GRM7: variants seen among roughly 807,000 people sequenced by gnomAD.
GRM7 encodes the protein metabotropic glutamate receptor 7.
Under a neutral mutation model 84.5 loss-of-function variants are expected in GRM7, and 35 were observed. That is an observed-to-expected ratio of 0.41 (90% confidence interval 0.32 to 0.55). The LOEUF is 0.55. Ranked by LOEUF, GRM7 falls within the 20% of genes least tolerant of loss-of-function variation. GRM7 has a pLI of 0.19. For synonymous variants in GRM7, 487 were observed against 455.1 expected (o/e 1.07, Z -0.89); for missense variants, 1,003 against 1,194.6 (o/e 0.84, Z 2.36).
chr3:7,261,172 C>A (rs1698407620), intron 2 of GRM7, among the ~76,000 whole-genome samples: 1 of 152,096 alleles, frequency 6.6e-6, no homozygotes, highest in Non-Finnish European at 1.5e-5. Context: ...CCAGTACCTG[C>A]AGGTCACAGG....
chr3:6,894,722 C>T lies in GRM7; in HGVS notation c.519+32815C>T, dbSNP rs143782591. Among the ~76,000 whole-genome samples the T allele has an allele frequency of 7.1e-4, 108 of 152,194 alleles. No individual in the cohort carries two copies. In the East Asian group the frequency reaches 0.02, roughly 28 times the overall value. On this transcript the variant is annotated intron_variant, in intron 1 of 9. Transcript: ENST00000357716. ...TGGGTAGGCTTCCAGCAGCTTTACT[C>T]GATTCTGACTTTAGGATAAAATCAA...
At chr3:7,664,889 G>A (rs1332318779) in intron 8 of GRM7, among the ~76,000 whole-genome samples, 3 of 151,202 alleles carry the variant, frequency 2.0e-5, no homozygotes, top group African/African-American at 4.9e-5. Context: ...TCTCAAATTA[G>A]TAAATTTCAT....
intron 7 of GRM7, among the ~76,000 whole-genome samples, chr3:7,483,178 A>C (rs1699198619): frequency 6.6e-6 from 1 of 152,214 alleles, no homozygotes; most frequent in Non-Finnish European, 1.5e-5. Context: ...AACCTTGGAC[A>C]TGAGGTTTCT....
rs564116315 is a variant in GRM7 at position 7,302,786 on chromosome 3, C to CT, written c.879-3703dup. Among the ~76,000 whole-genome samples, 174 of 150,022 alleles carry CT rather than the reference C, an allele frequency of 1.2e-3. 2 individuals carry two copies. The highest frequency in any genetic ancestry group is 1.6e-3 in the Non-Finnish European group (109 of 67,464). ...AGAATTCATCCTTTGGATGTATTGT[C>CT]TTTTTTTTTAAACCAGTTTCCCATT... On this transcript the variant is annotated intron_variant, in intron 3 of 9. Coordinates refer to ENST00000357716, the MANE Select transcript of GRM7 (RefSeq NM_000844.4).
Position 7,741,399 on chromosome 3 carries a change from G to A in GRM7, c.*993G>A, listed in dbSNP as rs528679755. 27 of 152,552 alleles carry A rather than the reference G, an allele frequency of 1.8e-4. No individual in the cohort carries two copies. The highest frequency in any genetic ancestry group is 3.9e-4 in the Admixed American group (6 of 15,270). 9.4% of individuals were successfully genotyped at this position (152,552 alleles called of 1,614,324 possible). On this transcript the variant is annotated 3_prime_UTR_variant, in exon 10 of 10. Transcript: ENST00000357716. Reference sequence around the variant, plus strand: ...TTTACTGTTTGTAATAAGTACTTTCGTTAATCTTGCTGCTTATGTGCCAAT... The same window carrying A: ...TTTACTGTTTGTAATAAGTACTTTCATTAATCTTGCTGCTTATGTGCCAAT...
chr3:7,466,554 T>C (rs1006450586), intron 7 of GRM7, among the ~76,000 whole-genome samples: 18 of 152,228 alleles, frequency 1.2e-4, no homozygotes, highest in Non-Finnish European at 1.8e-4. Context: ...GGTTACTTTG[T>C]CATCTTTTAT....
At chr3:7,496,713 T>C (rs1231813557) in intron 7 of GRM7, among the ~76,000 whole-genome samples, 1 of 151,720 alleles carries the variant, frequency 6.6e-6, no homozygotes, top group Non-Finnish European at 1.5e-5. Context: ...CCAAGAAAAA[T>C]ACACTGAAAT....
chr3:6,926,698 T>G (rs1432218916), intron 1 of GRM7, among the ~76,000 whole-genome samples: 2 of 152,200 alleles, frequency 1.3e-5, no homozygotes, highest in Admixed American at 6.6e-5. Flanking sequence ...AAAAAGCCGA[T>G]GCAACCACCC....
intron 5 of GRM7, among the ~76,000 whole-genome samples, chr3:7,421,152 T>A (rs1214884538): frequency 1.3e-5 from 2 of 152,220 alleles, no homozygotes; most frequent in African/African-American, 4.8e-5. Context: ...TGAAAGTTTA[T>A]CTTCTTGTAT....
At position 6,890,216 on chromosome 3, in the gene GRM7, T is replaced by G. The variant is rs1214301519; in HGVS notation, c.519+28309T>G. On this transcript the variant is annotated intron_variant, in intron 1 of 9. Coordinates refer to ENST00000357716, the MANE Select transcript of GRM7 (RefSeq NM_000844.4). Reference sequence around the variant, plus strand: ...TTCATTAATTTTTTGAAGGGTTTTTTGTGTCTCTATTTCCTTCAGTTCTGC... The same window carrying G: ...TTCATTAATTTTTTGAAGGGTTTTTGGTGTCTCTATTTCCTTCAGTTCTGC... Among the ~76,000 whole-genome samples the G allele has an allele frequency of 2.6e-5, 4 of 152,340 alleles. No homozygotes were observed. The East Asian group carries it at 7.7e-4, about 29-fold the overall frequency.
intron 7 of GRM7, among the ~76,000 whole-genome samples, chr3:7,524,326 T>C (rs1263528860): frequency 3.4e-5 from 5 of 146,874 alleles, no homozygotes; most frequent in East Asian, 4.0e-4. Context: ...AGTGAACAGG[T>C]AACCTACAAA....
chr3:6,877,438 T>G (rs192871585), intron 1 of GRM7, among the ~76,000 whole-genome samples: 2 of 152,344 alleles, frequency 1.3e-5, no homozygotes, highest in East Asian at 3.9e-4. Flanking sequence ...TGGTTCTATA[T>G]AGATATGTAG....
chr3:7,043,233 C>T (rs75111935), intron 1 of GRM7, among the ~76,000 whole-genome samples: 1,665 of 152,224 alleles, frequency 0.011, 22 homozygotes, highest in African/African-American at 0.038. Flanking sequence ...TATATTGAAG[C>T]GGGGGGAGGG....
intron 2 of GRM7, among the ~76,000 whole-genome samples, chr3:7,238,737 T>TC (rs1697435386): frequency 6.7e-6 from 1 of 150,368 alleles, no homozygotes; most frequent in African/African-American, 2.5e-5. Context: ...TTCTTTTCTT[T>TC]TTTTTCTTTT....
intron 7 of GRM7, among the ~76,000 whole-genome samples, chr3:7,551,578 T>G (rs1693479559): frequency 6.6e-6 from 1 of 150,770 alleles, no homozygotes; most frequent in Non-Finnish European, 1.5e-5. Flanking sequence ...ATATATTTGT[T>G]GTAATAAATA....
chr3:7,612,266 A>G (rs1696882391), intron 8 of GRM7, among the ~76,000 whole-genome samples: 1 of 152,284 alleles, frequency 6.6e-6, no homozygotes, highest in Admixed American at 6.5e-5. Context: ...TGTCTCATCT[A>G]TAAGATAGGT....
chr3:7,428,938 G>A (rs1696719140), intron 5 of GRM7, among the ~76,000 whole-genome samples: 1 of 152,150 alleles, frequency 6.6e-6, no homozygotes, highest in East Asian at 1.9e-4. Context: ...AAGTTTGCAG[G>A]TATGTTTAAA....
At chr3:7,304,507 A>C (rs1700121351) in intron 3 of GRM7, among the ~76,000 whole-genome samples, 1 of 151,612 alleles carries the variant, frequency 6.6e-6, no homozygotes, top group Admixed American at 6.6e-5. Flanking sequence ...CAATTTTTTG[A>C]TTCTTTATTT....
chr3:6,891,966 G>C (rs891135630), intron 1 of GRM7, among the ~76,000 whole-genome samples: 3 of 151,842 alleles, frequency 2.0e-5, no homozygotes, highest in East Asian at 1.9e-4. Flanking sequence ...TTCCCTTCTC[G>C]CTTCATTTCA....
Sources: gnomAD v4.1 joint callset for allele counts (sites outside exome capture counted in the v4.1 genomes callset) on GRCh38, gnomAD v4.1.1 for gene constraint, MANE v1.5 for transcripts, NCBI Gene and HGNC (gene_info 2026-07-23, HGNC 2026-07-21) for gene names.